The following L2HGDH variants were observed in gnomAD, a reference collection of about 807,000 sequenced individuals.
L2HGDH encodes the protein L-2-hydroxyglutarate dehydrogenase.
Under a neutral mutation model 51.5 loss-of-function variants are expected in L2HGDH, and 34 were observed. The observed-to-expected ratio is 0.66, with a 90% CI of 0.50 to 0.88. The LOEUF is 0.88. Ranked by LOEUF, L2HGDH falls within the 40% of genes least tolerant of loss-of-function variation. L2HGDH has a pLI of 0.00. For missense variants in L2HGDH, 558 were observed against 571.9 expected (o/e 0.98, Z 0.25); for synonymous variants, 198 against 197.9 (o/e 1.00, Z -0.01).
intron 3 of L2HGDH, among the ~76,000 whole-genome samples, chr14:50,299,350 A>G (rs1374065313): frequency 6.6e-6 from 1 of 152,228 alleles, no homozygotes; most frequent in Non-Finnish European, 1.5e-5. Context: ...CCAGTAAAGA[A>G]AAGCCCAGAA....
chr14:50,296,507 TAGAA>T lies in L2HGDH; in HGVS notation c.409-2265_409-2262del, dbSNP rs539920271. 1.6e-4 allele frequency among the ~76,000 whole-genome samples: 24 copies of T among 150,594 alleles called. No homozygotes were observed. In the East Asian group the frequency reaches 4.3e-3, roughly 27 times the overall value. ...TAGAAAATCTAGATGAACAAATTAT[TAGAA>T]AGACACAAACTTCTGAAACGGATTT... On this transcript the variant is annotated intron_variant, in intron 3 of 9. Transcript: ENST00000267436.
chr14:50,242,886 C>A lies in L2HGDH; in HGVS notation c.*4172G>T. The A allele has an allele frequency of 1.0e-6, 1 of 985,426 alleles. No individual in the cohort carries two copies. Among genetic ancestry groups the A allele is most frequent in the Non-Finnish European group, 1.2e-6 (1 of 829,928 alleles). 61.0% of individuals were successfully genotyped at this position (985,426 alleles called of 1,614,324 possible). ...AGGGCCCAGGAGGGCAGAGCCAGTC[C>A]TTAAACAATATAGACACCATGTCTC... is the stretch of plus-strand genomic sequence containing the variant. On this transcript the variant is annotated 3_prime_UTR_variant, in exon 10 of 10. Transcript: ENST00000267436.
intron 5 of L2HGDH, among the ~76,000 whole-genome samples, chr14:50,279,686 A>T (rs1429695219): frequency 4.2e-5 from 6 of 143,918 alleles, no homozygotes; most frequent in East Asian, 4.0e-4. Flanking sequence ...TTTATTATTT[A>T]AAAAAAAAAA....
chr14:50,274,416 A>G (rs1434351263), intron 6 of L2HGDH, among the ~76,000 whole-genome samples: 3 of 152,226 alleles, frequency 2.0e-5, no homozygotes, highest in African/African-American at 7.2e-5. Context: ...CCACAATAAG[A>G]TATCATCTCA....
chr14:50,257,758 T>C (rs1189778397), intron 9 of L2HGDH, among the ~76,000 whole-genome samples: 1 of 151,594 alleles, frequency 6.6e-6, no homozygotes, highest in Non-Finnish European at 1.5e-5. Flanking sequence ...CTTTTTTCTT[T>C]GGTTTTTTTT....
At position 50,278,581 on chromosome 14, in the gene L2HGDH, T is replaced by C; in HGVS notation, c.704-27A>G. ...TGAAAAAAAAGAATAAGTGAAAAATTTATTTTTAGCAAAAGGCCAACATTA... is the reference window on the plus strand; with the variant it reads ...TGAAAAAAAAGAATAAGTGAAAAATCTATTTTTAGCAAAAGGCCAACATTA... On this transcript the variant is annotated intron_variant, in intron 5 of 9. Transcript: ENST00000267436. The C allele has an allele frequency of 3.2e-6, 4 of 1,250,350 alleles. No individual in the cohort carries two copies. The Middle Eastern group carries it at 6.9e-4, about 214-fold the overall frequency. 77.5% of individuals were successfully genotyped at this position (1,250,350 alleles called of 1,614,324 possible).
intron 6 of L2HGDH, among the ~76,000 whole-genome samples, chr14:50,272,438 G>T (rs1386716003): frequency 6.6e-6 from 1 of 152,190 alleles, no homozygotes; most frequent in Non-Finnish European, 1.5e-5. Context: ...AAATCTGATG[G>T]TAATCGAAGG....
intron 9 of L2HGDH, among the ~76,000 whole-genome samples, chr14:50,262,871 T>G (rs1889116715): frequency 1.3e-5 from 2 of 152,182 alleles, no homozygotes; most frequent in Non-Finnish European, 2.9e-5. Context: ...ATTAGTTAGC[T>G]TTTCTCTCTT....
chr14:50,247,393 C>T, intron 9 of L2HGDH, 140 bp from the exon 10 acceptor site: 1 of 1,364,832 alleles, frequency 7.3e-7, no homozygotes, highest in Non-Finnish European at 9.9e-7. Flanking sequence ...TTATGTTTAA[C>T]CAAAGGCTGT....
intron 8 of L2HGDH, among the ~76,000 whole-genome samples, chr14:50,266,442 A>T (rs1367922206): frequency 6.6e-6 from 1 of 152,162 alleles, no homozygotes; most frequent in East Asian, 1.9e-4. Flanking sequence ...CAGGAGTTCG[A>T]GACCAGGCTG....
chr14:50,304,651 C>T (rs1405976741), intron 1 of L2HGDH, among the ~76,000 whole-genome samples: 4 of 152,098 alleles, frequency 2.6e-5, no homozygotes, highest in Non-Finnish European at 5.9e-5. Flanking sequence ...CTGACTAACA[C>T]GGTGAAACCC....
rs750651676 is a variant in L2HGDH, at chr14:50,283,935, G to C, written c.639C>G (p.Val213=). Residue 213 remains valine, a synonymous_variant, in exon 5 of 10, where the codon GTC becomes GTG. Transcript: ENST00000267436. ...TACCTTTTACTTCAAAATTGGTCAAGACAGAGCCACCTGCTTCTTGGAAAT... is the reference window on the plus strand; with the variant it reads ...TACCTTTTACTTCAAAATTGGTCAACACAGAGCCACCTGCTTCTTGGAAAT... ...AQDFQEAGGS[V]LTNFEVKGIE... The C allele has an allele frequency of 3.8e-5, 62 of 1,613,946 alleles. No individual in the cohort carries two copies. Among genetic ancestry groups the C allele is most frequent in the Non-Finnish European group, 5.2e-5 (61 of 1,180,016 alleles).
At chr14:50,260,293 A>T (rs749085345) in intron 9 of L2HGDH, among the ~76,000 whole-genome samples, 6 of 152,178 alleles carry the variant, frequency 3.9e-5, no homozygotes, top group Admixed American at 6.5e-5. Context: ...TTAGAGTCTG[A>T]GTTCCAACTT....
At chr14:50,269,089 G>T in intron 7 of L2HGDH, 74 bp downstream of exon 7, 29 of 1,257,592 alleles carry the variant, frequency 2.3e-5, no homozygotes, top group Non-Finnish European at 3.4e-5. Context: ...TGACCCAAGT[G>T]AAAGTTGTTT....
intron 8 of L2HGDH, among the ~76,000 whole-genome samples, chr14:50,267,151 T>C (rs1005105251): frequency 4.9e-4 from 37 of 75,862 alleles, no homozygotes; most frequent in Admixed American, 3.0e-3. Context: ...TTATTTTTAT[T>C]TATTTATTTA....
intron 9 of L2HGDH, among the ~76,000 whole-genome samples, chr14:50,248,978 G>A (rs1358908033): frequency 6.6e-6 from 1 of 152,206 alleles, no homozygotes. Context: ...GTGGTGTGGA[G>A]ACAGAACCTA....
intron 9 of L2HGDH, among the ~76,000 whole-genome samples, chr14:50,261,394 C>T (rs1049125539): frequency 1.3e-5 from 2 of 152,142 alleles, no homozygotes; most frequent in Non-Finnish European, 2.9e-5. Flanking sequence ...TATATGTCTT[C>T]GTCTTTTACA....
At chr14:50,247,376 A>G in intron 9 of L2HGDH, 123 bp from the exon 10 acceptor site, 1 of 1,469,252 alleles carries the variant, frequency 6.8e-7, no homozygotes. Flanking sequence ...ATGGAAACCC[A>G]ATGAGTTTAT....
intron 9 of L2HGDH, among the ~76,000 whole-genome samples, chr14:50,254,340 A>T (rs912261387): frequency 6.6e-6 from 1 of 150,638 alleles, no homozygotes; most frequent in Non-Finnish European, 1.5e-5. Context: ...CATAAAAATT[A>T]AAAAAAAAAT....
Sources: allele counts gnomAD v4.1 joint callset (sites outside exome capture counted in the v4.1 genomes callset), GRCh38; gene constraint gnomAD v4.1.1; transcripts MANE v1.5; gene names NCBI Gene and HGNC (gene_info 2026-07-23, HGNC 2026-07-21).